KCNMA1: variants seen among roughly 807,000 people sequenced by gnomAD.
KCNMA1 encodes Calcium-activated potassium channel subunit alpha-1.
KCNMA1 carries 29 observed loss-of-function variants against 140.0 expected under a neutral mutation model. The observed-to-expected ratio is 0.21, with a 90% CI of 0.15 to 0.28. The LOEUF is 0.28. Among genes scored for constraint, KCNMA1 ranks in the 10% least tolerant of loss-of-function variants. The probability of loss-of-function intolerance (pLI) is 1.00; values close to 1 mark genes in which losing one functional copy is unlikely to be tolerated. For missense variants in KCNMA1, 880 were observed against 1,602.2 expected, an observed-to-expected ratio of 0.55 and a Z score of 7.70; for synonymous variants, 612 against 611.9, an observed-to-expected ratio of 1.00 and a Z score of 0.00.
intron 3 of KCNMA1, among the ~76,000 whole-genome samples, chr10:77,203,430 C>T (rs945724611): frequency 1.2e-4 from 18 of 152,136 alleles, no homozygotes; most frequent in Admixed American, 6.5e-5. Context: ...CTCCAGAAAG[C>T]CTCCCCTGAT....
intron 1 of KCNMA1, among the ~76,000 whole-genome samples, chr10:77,518,907 CTG>C (rs563354300): frequency 9.9e-5 from 15 of 152,240 alleles, no homozygotes; most frequent in Non-Finnish European, 1.6e-4. Context: ...TTGGAGAAGA[CTG>C]TCTCCCTGCT....
intron 14 of KCNMA1, among the ~76,000 whole-genome samples, chr10:77,043,111 G>A (rs1250023830): frequency 6.6e-6 from 1 of 152,178 alleles, no homozygotes; most frequent in Non-Finnish European, 1.5e-5. Flanking sequence ...AAAAAGTACA[G>A]AATGTTCTAG....
intron 2 of KCNMA1, among the ~76,000 whole-genome samples, chr10:77,398,401 T>C (rs2096141562): frequency 6.6e-6 from 1 of 152,244 alleles, no homozygotes; most frequent in Non-Finnish European, 1.5e-5. Context: ...CTGGCTGCTG[T>C]GAGATGATAT....
chr10:77,053,555 G>A lies in KCNMA1; in HGVS notation c.1750-13918C>T, dbSNP rs989686732. Reference sequence around the variant, plus strand: ...TCAGTCAGAAAATTCTGCTGACTCCGTATCTCACCACAAAGAGCTCCAGGG... The same window carrying A: ...TCAGTCAGAAAATTCTGCTGACTCCATATCTCACCACAAAGAGCTCCAGGG... On this transcript the variant is annotated intron_variant, in intron 14 of 27. Transcript: ENST00000286628. Among the ~76,000 whole-genome samples, 8 of 152,156 alleles carry A rather than the reference G, an allele frequency of 5.3e-5. No homozygotes were observed. The East Asian group carries it at 5.8e-4, about 11-fold the overall frequency.
chr10:77,333,645 C>A (rs564002417), intron 2 of KCNMA1, among the ~76,000 whole-genome samples: 47 of 152,316 alleles, frequency 3.1e-4, no homozygotes, highest in African/African-American at 1.0e-3. Context: ...AACTTCATAG[C>A]ATTTGCTTGT....
intron 13 of KCNMA1, among the ~76,000 whole-genome samples, chr10:77,075,042 A>G (rs2096346011): frequency 6.6e-6 from 1 of 152,196 alleles, no homozygotes; most frequent in Non-Finnish European, 1.5e-5. Context: ...TTCTTGCAAA[A>G]TCCGCTTCTG....
chr10:77,552,307 T>G (rs370369032), intron 1 of KCNMA1, among the ~76,000 whole-genome samples: 1 of 152,192 alleles, frequency 6.6e-6, no homozygotes, highest in Non-Finnish European at 1.5e-5. Context: ...CCTGTCTGGT[T>G]TGAATCTTAA....
rs1334845738 is a variant in KCNMA1, at chr10:77,015,446, A to T, written c.2016-3403T>A. ...TGGTTTTCCTTTACTATTTGCCCAT[A>T]ACTTTACAGTCTCTTCATAAAACTC... On this transcript the variant is annotated intron_variant, in intron 17 of 27. Transcript: ENST00000286628. Among the ~76,000 whole-genome samples, 6 of 151,962 alleles carry T rather than the reference A, an allele frequency of 3.9e-5. No individual in the cohort carries two copies. In the East Asian group the frequency reaches 7.7e-4, roughly 20 times the overall value.
chr10:76,951,475 G>A (rs2152967670), intron 21 of KCNMA1, among the ~76,000 whole-genome samples: 1 of 152,224 alleles, frequency 6.6e-6, no homozygotes, highest in South Asian at 2.1e-4. Context: ...ATAGCATTTT[G>A]CACCTCTTAC....
chr10:77,046,721 A>G lies in KCNMA1; in HGVS notation c.1750-7084T>C, dbSNP rs963685414. Among the ~76,000 whole-genome samples, 7 of 152,226 alleles carry G rather than the reference A, an allele frequency of 4.6e-5. 1 individual carries two copies. Among genetic ancestry groups the G allele is most frequent in the Non-Finnish European group, 8.8e-5 (6 of 68,038 alleles). On this transcript the variant is annotated intron_variant, in intron 14 of 27. Coordinates refer to ENST00000286628, the MANE Select transcript of KCNMA1 (RefSeq NM_001161352.2). ...AGTTTTTATCAAAGGGCATGTGGTT[A>G]TCTCCTTCTCTACCCCTTCTTAGCC...
At chr10:77,546,534 C>T (rs1339658617) in intron 1 of KCNMA1, among the ~76,000 whole-genome samples, 4 of 152,250 alleles carry the variant, frequency 2.6e-5, no homozygotes, top group Non-Finnish European at 1.5e-5. Flanking sequence ...ATCCATGTCC[C>T]AGGCCACTGC....
intron 5 of KCNMA1, among the ~76,000 whole-genome samples, chr10:77,156,559 A>G (rs2154069208): frequency 6.6e-6 from 1 of 152,344 alleles, no homozygotes; most frequent in Non-Finnish European, 1.5e-5. Context: ...GCCCTTCCCA[A>G]AACTAAATTG....
chr10:77,414,180 A>C (rs1480999930), intron 1 of KCNMA1, among the ~76,000 whole-genome samples: 2 of 152,142 alleles, frequency 1.3e-5, no homozygotes, highest in African/African-American at 4.8e-5. Flanking sequence ...TCCAGCTCTA[A>C]ACTGTCTGAC....
chr10:77,297,336 C>T (rs1250099113), intron 2 of KCNMA1, among the ~76,000 whole-genome samples: 1 of 152,130 alleles, frequency 6.6e-6, no homozygotes, highest in Admixed American at 6.6e-5. Flanking sequence ...TGCCAAACTT[C>T]TTAGGTATCT....
chr10:77,429,507 CAA>C (rs1244384879), intron 1 of KCNMA1, among the ~76,000 whole-genome samples: 1 of 152,158 alleles, frequency 6.6e-6, no homozygotes, highest in South Asian at 2.1e-4. Flanking sequence ...TTACAATTCC[CAA>C]AGTAGAATTC....
Position 77,039,531 on chromosome 10 carries a change from C to T in KCNMA1, c.1856G>A (p.Cys619Tyr). The change falls in exon 15 of 28, where the codon TGT becomes TAT. Residue 619 changes from cysteine to tyrosine, a missense_variant. Cys to Tyr is a radical substitution (Grantham distance 194). Transcript: ENST00000286628. ...CATCCAGTTAAAGGTCACTTACTCA[C>T]AAACAGTAGGGAAGGACAGACCCAC... ...AFVGLSFPTV[C>Y]ELCFVKLKLL... 6.3e-7 allele frequency: 1 copy of T among 1,582,174 alleles called. No individual in the cohort carries two copies. The highest frequency in any genetic ancestry group is 8.7e-7 in the Non-Finnish European group (1 of 1,150,790).
At chr10:77,610,994 T>C (rs963941618) in intron 1 of KCNMA1, among the ~76,000 whole-genome samples, 7 of 152,256 alleles carry the variant, frequency 4.6e-5, no homozygotes, top group African/African-American at 1.7e-4. Context: ...CTATGTGAAC[T>C]GAGCCAAATT....
chr10:77,229,872 T>G (rs2052984079), intron 3 of KCNMA1, among the ~76,000 whole-genome samples: 1 of 152,208 alleles, frequency 6.6e-6, no homozygotes, highest in African/African-American at 2.4e-5. Flanking sequence ...ACAGCCATTG[T>G]GGAAAATAGT....
intron 13 of KCNMA1, among the ~76,000 whole-genome samples, chr10:77,074,398 A>G (rs1002202486): frequency 6.6e-6 from 1 of 152,232 alleles, no homozygotes. Flanking sequence ...AAGAGGGAAA[A>G]TGATCAACTG....
Sources: allele counts gnomAD v4.1 joint callset (sites outside exome capture counted in the v4.1 genomes callset), GRCh38; gene constraint gnomAD v4.1.1; transcripts MANE v1.5; gene names NCBI Gene and HGNC (gene_info 2026-07-23, HGNC 2026-07-21).